The following LRRC40 variants were observed in gnomAD, a reference collection of about 807,000 sequenced individuals.
LRRC40 encodes the protein leucine-rich repeat-containing protein 40.
Under a neutral mutation model 72.8 loss-of-function variants are expected in LRRC40, and 76 were observed. That is an observed-to-expected ratio of 1.04 (90% CI 0.87 to 1.26). The LOEUF is 1.26. LRRC40 is among the 50% of genes most tolerant of loss of function. The pLI is 0.00. For synonymous variants in LRRC40, 243 were observed against 254.2 expected, an observed-to-expected ratio of 0.96 and a Z score of 0.42; for missense variants, 684 against 698.9, an observed-to-expected ratio of 0.98 and a Z score of 0.24.
At chr1:70,179,898 T>C (rs1322069575) in intron 5 of LRRC40, among the ~76,000 whole-genome samples, 2 of 152,116 alleles carry the variant, frequency 1.3e-5, no homozygotes, top group African/African-American at 4.8e-5. Flanking sequence ...ATTTTAAAAC[T>C]CCAATTTTAA....
chr1:70,148,468 A>T lies in LRRC40; in HGVS notation c.1703+19T>A. The T allele has an allele frequency of 3.8e-6, 6 of 1,561,744 alleles. No individual in the cohort carries two copies. Among genetic ancestry groups the T allele is most frequent in the Non-Finnish European group, 5.3e-6 (6 of 1,139,686 alleles). On this transcript the variant is annotated intron_variant, in intron 14 of 14. Transcript: ENST00000370952. ...ATCAATAAAATAAATGAAACAATGC[A>T]GTAGAATGGTGTAGTTACCTTAAGT... is the stretch of plus-strand genomic sequence containing the variant.
Position 70,151,125 on chromosome 1 carries a change from T to C in LRRC40, c.1517+3A>G. The C allele has an allele frequency of 2.7e-6, 4 of 1,477,332 alleles. No homozygotes were observed. The highest frequency in any genetic ancestry group is 3.8e-6 in the Non-Finnish European group (4 of 1,058,702). The allele number at this position is 1,477,332 out of a possible 1,614,324, so 91.5% of individuals were successfully genotyped here. On this transcript the variant is annotated splice_donor_region_variant and intron_variant, in intron 13 of 14. Transcript: ENST00000370952. ...TAACAATTAGAATTGTCTGTTCTCT[T>C]ACCTATTAAAGGAAAGATTGATCGT...
At chr1:70,149,869 T>C (rs1360473370) in intron 13 of LRRC40, among the ~76,000 whole-genome samples, 3 of 152,148 alleles carry the variant, frequency 2.0e-5, no homozygotes, top group Non-Finnish European at 4.4e-5. Context: ...TTGAAGACCT[T>C]AGGACATTAT....
At chr1:70,172,912 A>C (rs542598176) in intron 9 of LRRC40, among the ~76,000 whole-genome samples, 3 of 151,774 alleles carry the variant, frequency 2.0e-5, no homozygotes, top group Admixed American at 1.3e-4. Context: ...AAAATGTTTT[A>C]GTTTATTCTA....
chr1:70,169,605 A>C (rs1667959254), intron 9 of LRRC40, among the ~76,000 whole-genome samples: 1 of 152,224 alleles, frequency 6.6e-6, no homozygotes, highest in Non-Finnish European at 1.5e-5. Context: ...CAGAAATGAA[A>C]GAGAGGACAT....
chr1:70,148,403 G>A (rs761687812), intron 14 of LRRC40, 84 bp downstream of exon 14: 12 of 1,173,706 alleles, frequency 1.0e-5, no homozygotes, highest in East Asian at 2.4e-5. Context: ...TTAACTTCTT[G>A]CAAATTTATC....
At chr1:70,156,361 A>G (rs1032368787) in intron 10 of LRRC40, among the ~76,000 whole-genome samples, 2 of 152,126 alleles carry the variant, frequency 1.3e-5, no homozygotes, top group African/African-American at 2.4e-5. Flanking sequence ...AGGTAGACAG[A>G]GCAGTGGACT....
chr1:70,152,626 T>G, intron 11 of LRRC40, 83 bp from the exon 12 acceptor site: 1 of 725,368 alleles, frequency 1.4e-6, no homozygotes, highest in Admixed American at 2.5e-5. Context: ...AAGGGGGAAA[T>G]TCCTATATTT....
At chr1:70,164,103 C>T (rs1053306367) in intron 9 of LRRC40, among the ~76,000 whole-genome samples, 7 of 152,058 alleles carry the variant, frequency 4.6e-5, no homozygotes, top group Non-Finnish European at 1.0e-4. Flanking sequence ...AGTGCCAATC[C>T]GGCCAGGTGC....
intron 9 of LRRC40, among the ~76,000 whole-genome samples, chr1:70,162,614 T>C (rs576667371): frequency 6.6e-6 from 1 of 152,268 alleles, no homozygotes; most frequent in South Asian, 2.1e-4. Context: ...ACATAACCAG[T>C]AGCAATCCCT....
At chr1:70,200,643 T>C (rs1158667174) in intron 1 of LRRC40, among the ~76,000 whole-genome samples, 1 of 152,184 alleles carries the variant, frequency 6.6e-6, no homozygotes, top group Non-Finnish European at 1.5e-5. Context: ...TTTGAAGGTG[T>C]CATTAATCTT....
intron 1 of LRRC40, among the ~76,000 whole-genome samples, chr1:70,199,982 G>A (rs1450070786): frequency 6.6e-6 from 1 of 152,010 alleles, no homozygotes; most frequent in Non-Finnish European, 1.5e-5. Context: ...CACTGTACTG[G>A]ACTGGGTTAA....
intron 3 of LRRC40, among the ~76,000 whole-genome samples, chr1:70,186,095 T>C (rs544850973): frequency 6.6e-6 from 1 of 152,322 alleles, no homozygotes; most frequent in South Asian, 2.1e-4. Context: ...TTACTGTTAT[T>C]GGTTACCTAG....
At chr1:70,173,863 T>A (rs1339091383) in intron 7 of LRRC40, among the ~76,000 whole-genome samples, 154 bp from the exon 8 acceptor site, 3 of 152,174 alleles carry the variant, frequency 2.0e-5, no homozygotes, top group East Asian at 1.9e-4. Flanking sequence ...CCTTTCAAGA[T>A]AAATGCTAAA....
intron 9 of LRRC40, among the ~76,000 whole-genome samples, chr1:70,163,577 G>A (rs549914066): frequency 2.4e-4 from 37 of 151,940 alleles, no homozygotes; most frequent in African/African-American, 8.7e-4. Context: ...GATTATATTG[G>A]GCCAACACAA....
rs1667276279 is a variant in LRRC40 at position 70,145,919 on chromosome 1, A to C, written c.1704-14T>G. On this transcript the variant is annotated splice_polypyrimidine_tract_variant and intron_variant, in intron 14 of 14. Transcript: ENST00000370952. ...AGTAGTAATGTTCTAAACAAAAGAG[A>C]GAAATTGAGAATGTAAACATTTTCC... 1 of 1,273,898 alleles carries C rather than the reference A, an allele frequency of 7.8e-7. No homozygotes were observed. Among genetic ancestry groups the C allele is most frequent in the Non-Finnish European group, 1.1e-6 (1 of 889,794 alleles). 78.9% of individuals were successfully genotyped at this position (1,273,898 alleles called of 1,614,324 possible).
intron 3 of LRRC40, among the ~76,000 whole-genome samples, 171 bp from the exon 4 acceptor site, chr1:70,185,085 A>G (rs1668331156): frequency 6.6e-6 from 1 of 152,248 alleles, no homozygotes; most frequent in Non-Finnish European, 1.5e-5. Context: ...TTAAAATAAT[A>G]GTAATCTAAA....
chr1:70,149,479 T>A (rs1448565645), intron 13 of LRRC40, among the ~76,000 whole-genome samples: 1 of 152,176 alleles, frequency 6.6e-6, no homozygotes, highest in Non-Finnish European at 1.5e-5. Context: ...AATGACCCCT[T>A]AATAGGCTCT....
intron 10 of LRRC40, among the ~76,000 whole-genome samples, chr1:70,156,704 G>A (rs1367481240): frequency 6.6e-6 from 1 of 152,072 alleles, no homozygotes; most frequent in African/African-American, 2.4e-5. Flanking sequence ...CTAAGGATGG[G>A]CAGCATATAC....
Sources: gnomAD v4.1 joint callset for allele counts (sites outside exome capture counted in the v4.1 genomes callset) on GRCh38, gnomAD v4.1.1 for gene constraint, MANE v1.5 for transcripts, NCBI Gene and HGNC (gene_info 2026-07-23, HGNC 2026-07-21) for gene names.